DLGAP1: variants seen among roughly 807,000 people sequenced by gnomAD.
The protein encoded by DLGAP1 is DLG associated protein 1.
Under a neutral mutation model 90.8 loss-of-function variants are expected in DLGAP1, and 11 were observed. The ratio of observed to expected loss-of-function variants is 0.12; its 90% CI spans 0.08 to 0.20. DLGAP1 has a LOEUF of 0.20. Ranked by LOEUF, DLGAP1 falls within the 10% of genes least tolerant of loss-of-function variation. The probability of loss-of-function intolerance (pLI) is 1.00; values close to 1 mark genes in which losing one functional copy is unlikely to be tolerated. For missense variants in DLGAP1, 1,050 were observed against 1,333.8 expected (o/e 0.79, Z 3.31); for synonymous variants, 558 against 540.7 (o/e 1.03, Z -0.44).
chr18:3,868,270 CAAAT>C (rs1365398574), intron 4 of DLGAP1, among the ~76,000 whole-genome samples: 4 of 152,108 alleles, frequency 2.6e-5, no homozygotes, highest in Non-Finnish European at 4.4e-5. Flanking sequence ...CATTTGCAAA[CAAAT>C]GAACTGACAC....
At chr18:4,296,054 A>C (rs4798209) in intron 1 of DLGAP1, among the ~76,000 whole-genome samples, 38,201 of 152,102 alleles carry the variant, frequency 0.25, 4,952 homozygotes, top group African/African-American at 0.28. Context: ...AGTAAGGAGA[A>C]AGCATGAAAA....
intron 2 of DLGAP1, among the ~76,000 whole-genome samples, chr18:4,129,637 G>T (rs1413294604): frequency 6.6e-6 from 1 of 152,132 alleles, no homozygotes; most frequent in Non-Finnish European, 1.5e-5. Flanking sequence ...GGATAAATGT[G>T]AAGTTGTGGA....
At chr18:3,677,021 T>C (rs887200029) in intron 7 of DLGAP1, among the ~76,000 whole-genome samples, 8 of 152,168 alleles carry the variant, frequency 5.3e-5, no homozygotes, top group Non-Finnish European at 8.8e-5. Flanking sequence ...TTTTCTCTAT[T>C]ATCTACTAAC....
At chr18:3,541,203 G>A (rs917215908) in intron 9 of DLGAP1, among the ~76,000 whole-genome samples, 1 of 151,874 alleles carries the variant, frequency 6.6e-6, no homozygotes, top group Non-Finnish European at 1.5e-5. Flanking sequence ...TGCACACTAA[G>A]TTATTTTGAA....
At chr18:3,688,614 GACACACACACACACACACACACAC>G (rs60415611) in intron 7 of DLGAP1, among the ~76,000 whole-genome samples, 12 of 100,682 alleles carry the variant, frequency 1.2e-4, no homozygotes, top group Admixed American at 8.1e-4. Flanking sequence ...ATTAAAAAAA[GACACACACACACACACACACACAC>G]ACACACACAC....
intron 1 of DLGAP1, among the ~76,000 whole-genome samples, chr18:4,160,034 T>C (rs2076819097): frequency 6.6e-6 from 1 of 152,236 alleles, no homozygotes; most frequent in South Asian, 2.1e-4. Context: ...TAATGACTCA[T>C]TGTGATATCA....
At chr18:4,068,297 T>C (rs927626333) in intron 2 of DLGAP1, among the ~76,000 whole-genome samples, 3 of 152,036 alleles carry the variant, frequency 2.0e-5, no homozygotes, top group Admixed American at 6.6e-5. Flanking sequence ...AAATATTGAA[T>C]GAATGAATAA....
intron 4 of DLGAP1, among the ~76,000 whole-genome samples, chr18:3,873,711 T>C (rs1168293442): frequency 1.3e-5 from 2 of 152,206 alleles, no homozygotes; most frequent in African/African-American, 2.4e-5. Flanking sequence ...TTCATGCTTA[T>C]GAATGCTTCC....
chr18:3,615,635 G>C (rs1488156579), intron 7 of DLGAP1, among the ~76,000 whole-genome samples: 1 of 152,112 alleles, frequency 6.6e-6, no homozygotes, highest in Non-Finnish European at 1.5e-5. Context: ...ATTTTTCATT[G>C]CTTTGTCTGA....
intron 1 of DLGAP1, among the ~76,000 whole-genome samples, chr18:4,301,514 T>C (rs1168488912): frequency 1.3e-5 from 2 of 152,246 alleles, no homozygotes; most frequent in East Asian, 3.8e-4. Context: ...TTTGTATATA[T>C]ATATCACAAT....
chr18:4,302,243 C>T (rs1312500272), intron 1 of DLGAP1, among the ~76,000 whole-genome samples: 1 of 152,006 alleles, frequency 6.6e-6, no homozygotes, highest in Admixed American at 6.6e-5. Context: ...TAGTTTTTCC[C>T]CCGTATTTTC....
intron 3 of DLGAP1, among the ~76,000 whole-genome samples, chr18:3,883,098 G>T (rs1306725069): frequency 1.3e-5 from 2 of 152,154 alleles, no homozygotes; most frequent in Non-Finnish European, 2.9e-5. Flanking sequence ...ACAAAAATTA[G>T]CTGGGCATGG....
intron 7 of DLGAP1, among the ~76,000 whole-genome samples, chr18:3,679,666 C>T (rs2060438755): frequency 6.7e-6 from 1 of 150,178 alleles, no homozygotes; most frequent in Non-Finnish European, 1.5e-5. Context: ...AGGCCAGGCA[C>T]AAGTGGCTCA....
intron 1 of DLGAP1, among the ~76,000 whole-genome samples, chr18:4,181,565 C>T (rs759248713): frequency 2.0e-5 from 3 of 152,188 alleles, no homozygotes; most frequent in Admixed American, 1.3e-4. Flanking sequence ...GTAACAAAAC[C>T]GAAAGCTCCT....
At chr18:4,184,268 C>T (rs551819606) in intron 1 of DLGAP1, among the ~76,000 whole-genome samples, 1 of 152,224 alleles carries the variant, frequency 6.6e-6, no homozygotes, top group South Asian at 2.1e-4. Flanking sequence ...ACCAAAACCC[C>T]TTGGGACGAA....
intron 4 of DLGAP1, among the ~76,000 whole-genome samples, chr18:3,844,451 A>G (rs1221783437): frequency 6.6e-6 from 1 of 152,242 alleles, no homozygotes; most frequent in Non-Finnish European, 1.5e-5. Flanking sequence ...AACACCAAAA[A>G]GCTATATCAC....
At chr18:3,797,275 G>A (rs998071885) in intron 5 of DLGAP1, among the ~76,000 whole-genome samples, 9 of 151,850 alleles carry the variant, frequency 5.9e-5, no homozygotes, top group African/African-American at 1.2e-4. Flanking sequence ...GCAGTGAGCC[G>A]GGATCGCGCC....
chr18:3,509,557 T>C (rs2050423830), intron 10 of DLGAP1, among the ~76,000 whole-genome samples: 1 of 152,198 alleles, frequency 6.6e-6, no homozygotes, highest in South Asian at 2.1e-4. Flanking sequence ...GTTCTTAACA[T>C]GCTCTCATGG....
At chr18:4,451,297 AT>A (rs2083822277) in intron 1 of DLGAP1, among the ~76,000 whole-genome samples, 1 of 151,598 alleles carries the variant, frequency 6.6e-6, no homozygotes, top group East Asian at 1.9e-4. Flanking sequence ...ATCACACCTC[AT>A]TTTTTTCTTG....
Sources: allele counts gnomAD v4.1 joint callset (sites outside exome capture counted in the v4.1 genomes callset), GRCh38; gene constraint gnomAD v4.1.1; transcripts MANE v1.5; gene names NCBI Gene and HGNC (gene_info 2026-07-23, HGNC 2026-07-21).